The following MEI4 variants were observed in gnomAD, a reference collection of about 807,000 sequenced individuals.
MEI4 encodes the protein meiotic double-stranded break formation protein 4.
In MEI4, 27 loss-of-function variants were observed where a neutral mutation model predicts 31.4. The observed-to-expected ratio is 0.86, with a 90% CI of 0.63 to 1.19. The LOEUF is 1.19. Among genes scored for constraint, MEI4 ranks in the 50% most tolerant of loss-of-function variants. MEI4 has a pLI of 0.00. For missense variants in MEI4, 329 were observed against 398.9 expected, an observed-to-expected ratio of 0.82 and a Z score of 1.49; for synonymous variants, 122 against 145.4, an observed-to-expected ratio of 0.84 and a Z score of 1.16.
At chr6:77,877,238 A>G (rs1771363935) in intron 4 of MEI4, among the ~76,000 whole-genome samples, 1 of 129,050 alleles carries the variant, frequency 7.7e-6, no homozygotes, top group Non-Finnish European at 1.6e-5. Context: ...AGCTACCAAC[A>G]GGATGTGTGT....
chr6:77,791,648 A>G lies in MEI4; in HGVS notation c.768+29983A>G, dbSNP rs542716309. 8.7e-4 allele frequency among the ~76,000 whole-genome samples: 131 copies of G among 149,838 alleles called. 1 individual carries two copies. The highest frequency in any genetic ancestry group is 3.0e-3 in the African/African-American group (121 of 40,966). On this transcript the variant is annotated intron_variant, in intron 3 of 4. Transcript: ENST00000684080. ...TATACATATGTAACTAACCTGCACA[A>G]TGTGCACATGTACCCTAAAACTTAA...
chr6:77,738,766 C>T (rs1015382345), intron 2 of MEI4, among the ~76,000 whole-genome samples: 1 of 152,120 alleles, frequency 6.6e-6, no homozygotes, highest in African/African-American at 2.4e-5. Context: ...TGTTTCCTGA[C>T]TTTAACCATC....
intron 4 of MEI4, among the ~76,000 whole-genome samples, chr6:77,897,512 ATTG>A (rs1177002829): frequency 4.3e-5 from 2 of 46,274 alleles, no homozygotes; most frequent in African/African-American, 1.7e-4. Context: ...ATTTTTTAAA[ATTG>A]TTATATATAT....
chr6:77,705,216 C>T (rs1453640117), intron 2 of MEI4, among the ~76,000 whole-genome samples: 1 of 151,942 alleles, frequency 6.6e-6, no homozygotes, highest in East Asian at 1.9e-4. Flanking sequence ...TTAATAAGTA[C>T]CCATATGTGA....
chr6:77,749,787 G>A (rs1318173942), intron 2 of MEI4, among the ~76,000 whole-genome samples: 1 of 152,014 alleles, frequency 6.6e-6, no homozygotes, highest in East Asian at 1.9e-4. Context: ...AGATACTCCT[G>A]AAGAAGAGCA....
rs1768040951 is a variant in MEI4 at position 77,761,388 on chromosome 6, CAG to C, written c.493_494del (p.Glu165IlefsTer3). On this transcript the variant is annotated frameshift_variant, in exon 3 of 5. Transcript: ENST00000684080. LOFTEE classifies it high-confidence loss of function. ...TATCTACTTGAATTAAAGAACTTGA[CAG>C]AATCAGGTAATCTTAAAAGAGACTT... 2.4e-6 allele frequency: 3 copies of C among 1,232,122 alleles called. No individual in the cohort carries two copies. The African/African-American group carries it at 4.7e-5, about 19-fold the overall frequency. The allele number at this position is 1,232,122 out of a possible 1,614,324, so 76.3% of individuals were successfully genotyped here.
intron 4 of MEI4, among the ~76,000 whole-genome samples, chr6:77,848,901 G>A (rs1770548105): frequency 6.6e-6 from 1 of 152,086 alleles, no homozygotes; most frequent in African/African-American, 2.4e-5. Context: ...TTCTTACTAT[G>A]GGGGAAGTGT....
chr6:77,771,763 C>T (rs546278853), intron 3 of MEI4, among the ~76,000 whole-genome samples: 10 of 152,014 alleles, frequency 6.6e-5, no homozygotes, highest in South Asian at 4.1e-4. Context: ...AGGAGGGTAA[C>T]AATAGACACT....
At position 77,780,773 on chromosome 6, in the gene MEI4, C is replaced by T. The variant is rs191917190; in HGVS notation, c.768+19108C>T. ...TAAGTAATTCGAATTCTAATATTGT[C>T]TTATTGAATTGAATAGTTGAATTGA... On this transcript the variant is annotated intron_variant, in intron 3 of 4. Coordinates refer to ENST00000684080, the MANE Select transcript of MEI4 (RefSeq NM_001322247.2). Among the ~76,000 whole-genome samples, 547 of 152,190 alleles carry T rather than the reference C, an allele frequency of 3.6e-3. 4 individuals are homozygous for T. The highest frequency in any genetic ancestry group is 4.4e-3 in the Non-Finnish European group (302 of 68,022).
intron 4 of MEI4, among the ~76,000 whole-genome samples, chr6:77,900,482 A>T (rs1766165510): frequency 6.6e-6 from 1 of 152,028 alleles, no homozygotes. Flanking sequence ...TGACAAGAAC[A>T]TACGTGCTCC....
chr6:77,871,651 A>G (rs1370417563), intron 4 of MEI4, among the ~76,000 whole-genome samples: 1 of 152,170 alleles, frequency 6.6e-6, no homozygotes. Flanking sequence ...GCACCAGGCA[A>G]TATACACATG....
intron 4 of MEI4, among the ~76,000 whole-genome samples, chr6:77,832,948 G>A (rs774579113): frequency 1.3e-3 from 203 of 152,184 alleles, no homozygotes; most frequent in Non-Finnish European, 1.7e-3. Context: ...TCAGATTTTT[G>A]AAAGGTGGTT....
chr6:77,716,615 G>A lies in MEI4; in HGVS notation c.232+25712G>A, dbSNP rs75797427. Among the ~76,000 whole-genome samples, 6 of 152,288 alleles carry A rather than the reference G, an allele frequency of 3.9e-5. No homozygotes were observed. In the East Asian group the frequency reaches 1.2e-3, roughly 29 times the overall value. The stretch of plus-strand genomic sequence containing the variant: ...AAAAAGGGGAGTAACTTGGGCAAGG[G>A]TAGTATCAGTCGGGATGGTGAACAA... On this transcript the variant is annotated intron_variant, in intron 2 of 4. Transcript: ENST00000684080.
chr6:77,796,387 A>C (rs1160854153), intron 3 of MEI4, among the ~76,000 whole-genome samples: 1 of 152,200 alleles, frequency 6.6e-6, no homozygotes, highest in African/African-American at 2.4e-5. Context: ...AAGAAAAAGA[A>C]ATAAAAGATT....
chr6:77,705,285 T>G (rs1467122), intron 2 of MEI4, among the ~76,000 whole-genome samples: 56,980 of 152,036 alleles, frequency 0.37, 11,970 homozygotes, highest in East Asian at 0.5. Context: ...TAGAAAACCT[T>G]AAATTCTAAT....
At chr6:77,888,476 T>C (rs1297889427) in intron 4 of MEI4, among the ~76,000 whole-genome samples, 2 of 152,166 alleles carry the variant, frequency 1.3e-5, no homozygotes, top group Non-Finnish European at 2.9e-5. Context: ...TGATGTATAT[T>C]GGCCTTTTGC....
intron 2 of MEI4, among the ~76,000 whole-genome samples, chr6:77,701,756 C>G (rs1450866319): frequency 6.6e-6 from 1 of 152,028 alleles, no homozygotes; most frequent in East Asian, 1.9e-4. Flanking sequence ...TAAATTAATT[C>G]ATTGATGTAC....
intron 4 of MEI4, among the ~76,000 whole-genome samples, chr6:77,922,618 C>A (rs1227027731): frequency 6.6e-6 from 1 of 151,626 alleles, no homozygotes; most frequent in Non-Finnish European, 1.5e-5. Flanking sequence ...TTCAATGCTA[C>A]CCCTCCCTGA....
intron 4 of MEI4, among the ~76,000 whole-genome samples, chr6:77,842,096 T>G (rs186372808): frequency 3.7e-4 from 56 of 152,278 alleles, no homozygotes; most frequent in Non-Finnish European, 6.0e-4. Context: ...CTTGTGTCAT[T>G]TCTAGAACAC....
Sources: gnomAD v4.1 joint callset for allele counts (sites outside exome capture counted in the v4.1 genomes callset) on GRCh38, gnomAD v4.1.1 for gene constraint, MANE v1.5 for transcripts, NCBI Gene and HGNC (gene_info 2026-07-23, HGNC 2026-07-21) for gene names.